EYA3: variants seen among roughly 807,000 people sequenced by gnomAD.
EYA3 encodes protein phosphatase EYA3.
A neutral mutation model predicts 80.0 loss-of-function variants in EYA3; 39 were observed. That is an observed-to-expected ratio of 0.49 (90% CI 0.38 to 0.64). EYA3 has a LOEUF of 0.64. EYA3 is among the 30% of genes least tolerant of loss of function. The probability of loss-of-function intolerance (pLI) is 0.00; values close to 1 mark genes in which losing one functional copy is unlikely to be tolerated. For missense variants in EYA3, 523 were observed against 676.1 expected (o/e 0.77, Z 2.51); for synonymous variants, 206 against 232.8 (o/e 0.88, Z 1.05).
At chr1:28,037,851 G>A (rs970568120) in intron 5 of EYA3, among the ~76,000 whole-genome samples, 3 of 152,148 alleles carry the variant, frequency 2.0e-5, no homozygotes, top group Non-Finnish European at 2.9e-5. Flanking sequence ...AGTATCTCTT[G>A]CTTTTGTTAC....
intron 3 of EYA3, among the ~76,000 whole-genome samples, chr1:28,046,936 C>T (rs942677351): frequency 4.6e-5 from 7 of 151,780 alleles, no homozygotes; most frequent in Non-Finnish European, 8.8e-5. Context: ...CAACTTCTGG[C>T]CCCTGGGCTC....
chr1:28,074,566 G>A (rs111749425), intron 1 of EYA3, among the ~76,000 whole-genome samples: 2,346 of 150,686 alleles, frequency 0.016, 46 homozygotes, highest in Middle Eastern at 0.051. Context: ...CCAGGCTGGA[G>A]TGCAGTGGCA....
At chr1:28,048,772 G>A (rs988001700) in intron 2 of EYA3, among the ~76,000 whole-genome samples, 4 of 152,148 alleles carry the variant, frequency 2.6e-5, no homozygotes, top group African/African-American at 9.7e-5. Flanking sequence ...AAACAGTAAA[G>A]ATGGGAATCT....
At chr1:28,026,607 ACT>A (rs1346301191) in intron 7 of EYA3, among the ~76,000 whole-genome samples, 2 of 152,042 alleles carry the variant, frequency 1.3e-5, no homozygotes, top group African/African-American at 2.4e-5. Flanking sequence ...ACAGAGTGAG[ACT>A]CTGTCACAAA....
intron 6 of EYA3, among the ~76,000 whole-genome samples, chr1:28,029,688 C>G (rs180833007): frequency 6.6e-6 from 1 of 151,678 alleles, no homozygotes; most frequent in Non-Finnish European, 1.5e-5. Flanking sequence ...CTCCTCCTCC[C>G]GGGTTCAAGC....
intron 7 of EYA3, among the ~76,000 whole-genome samples, chr1:28,022,799 C>T (rs944482436): frequency 1.4e-4 from 22 of 152,036 alleles, no homozygotes; most frequent in African/African-American, 4.3e-4. Flanking sequence ...ACTGAGGCCT[C>T]GACCTCCTAA....
At chr1:28,082,750 T>C (rs932634311) in intron 1 of EYA3, among the ~76,000 whole-genome samples, 4 of 152,198 alleles carry the variant, frequency 2.6e-5, no homozygotes, top group African/African-American at 9.6e-5. Context: ...TAAATTTGTT[T>C]AATACTCTGA....
intron 6 of EYA3, among the ~76,000 whole-genome samples, chr1:28,028,582 CTTT>C: frequency 1.4e-5 from 2 of 143,232 alleles, no homozygotes; most frequent in South Asian, 4.4e-4. Flanking sequence ...TCTTCTTCTT[CTTT>C]TTTTTTTTTT....
chr1:27,985,829 G>A (rs887018932), intron 16 of EYA3, among the ~76,000 whole-genome samples: 9 of 152,000 alleles, frequency 5.9e-5, no homozygotes, highest in Admixed American at 1.3e-4. Flanking sequence ...TAATCAGCCC[G>A]TCTTGGCCTC....
At chr1:28,073,523 C>T (rs1052700852) in intron 1 of EYA3, among the ~76,000 whole-genome samples, 2 of 151,938 alleles carry the variant, frequency 1.3e-5, no homozygotes, top group East Asian at 3.9e-4. Context: ...TGGTCCTGAA[C>T]TCCTGACCTC....
intron 11 of EYA3, among the ~76,000 whole-genome samples, chr1:28,003,886 T>TG (rs60440583): frequency 0.33 from 50,809 of 151,998 alleles, 8,641 homozygotes; most frequent in East Asian, 0.5. Context: ...TAAAAAGGGA[T>TG]TAATCTATTT....
At chr1:27,994,463 C>A (rs1309104990) in intron 13 of EYA3, among the ~76,000 whole-genome samples, 1 of 152,006 alleles carries the variant, frequency 6.6e-6, no homozygotes, top group Non-Finnish European at 1.5e-5. Context: ...CTTTGGGAGG[C>A]CGAGGCGGGT....
chr1:28,023,900 G>A (rs1642610415), intron 7 of EYA3, among the ~76,000 whole-genome samples: 1 of 152,150 alleles, frequency 6.6e-6, no homozygotes, highest in Admixed American at 6.5e-5. Context: ...GGAACTCTCT[G>A]TACTGTCTGC....
Position 28,014,417 on chromosome 1 carries a change from CAAAAAAAAA to C in EYA3, c.586-1132_586-1124del, listed in dbSNP as rs1173842687. Among the ~76,000 whole-genome samples, 411 of 49,506 alleles carry C rather than the reference CAAAAAAAAA, an allele frequency of 8.3e-3. 2 individuals are homozygous for C. Among genetic ancestry groups the C allele is most frequent in the African/African-American group, 0.029 (390 of 13,382 alleles). 32.5% of individuals were successfully genotyped at this position (49,506 alleles called of 152,430 possible). ...CTCTAGCCTAGGTGACACACTGTCT[CAAAAAAAAA>C]AAAAAAAAAAAAAAAAAAAGGCCAG... is the stretch of plus-strand genomic sequence containing the variant. On this transcript the variant is annotated intron_variant, in intron 8 of 17. Coordinates refer to ENST00000373871, the MANE Select transcript of EYA3 (RefSeq NM_001990.4).
chr1:28,062,108 A>C (rs1222122272), intron 1 of EYA3, among the ~76,000 whole-genome samples: 1 of 152,214 alleles, frequency 6.6e-6, no homozygotes, highest in Non-Finnish European at 1.5e-5. Flanking sequence ...TAATCTTTTA[A>C]GTACCTTTAG....
intron 16 of EYA3, among the ~76,000 whole-genome samples, chr1:27,987,095 C>T (rs12139137): frequency 0.33 from 50,808 of 152,040 alleles, 8,654 homozygotes; most frequent in East Asian, 0.5. Context: ...CAACTCTATA[C>T]CCGTTGAACA....
At chr1:27,979,159 TAATG>T (rs1639142283) in intron 16 of EYA3, among the ~76,000 whole-genome samples, 1 of 152,178 alleles carries the variant, frequency 6.6e-6, no homozygotes, top group South Asian at 2.1e-4. Flanking sequence ...CATTGTGTCA[TAATG>T]AATGAATGAT....
chr1:28,038,716 C>T (rs897856453), intron 5 of EYA3, 123 bp downstream of exon 5: 25 of 526,772 alleles, frequency 4.7e-5, no homozygotes, highest in Middle Eastern at 1.0e-3. Context: ...ATTGGAATGA[C>T]GATAGAATAA....
chr1:28,024,908 C>A (rs1020942643), intron 7 of EYA3, among the ~76,000 whole-genome samples: 9 of 152,154 alleles, frequency 5.9e-5, no homozygotes, highest in Non-Finnish European at 1.5e-5. Context: ...AGAAAAGGTT[C>A]TGCTTAGAGT....
Sources: gnomAD v4.1 joint callset for allele counts (sites outside exome capture counted in the v4.1 genomes callset) on GRCh38, gnomAD v4.1.1 for gene constraint, MANE v1.5 for transcripts, NCBI Gene and HGNC (gene_info 2026-07-23, HGNC 2026-07-21) for gene names.